Variants in RIMBP2 observed in about 807,000 individuals in gnomAD.
RIMBP2 encodes the protein RIMS-binding protein 2.
A neutral mutation model predicts 118.6 loss-of-function variants in RIMBP2; 48 were observed. The observed-to-expected ratio is 0.40, with a 90% CI of 0.32 to 0.51. The LOEUF (loss-of-function observed/expected upper bound fraction) is 0.51. RIMBP2 is among the 20% of genes least tolerant of loss of function. RIMBP2 has a pLI of 0.41. For missense variants in RIMBP2, 1,551 were observed against 1,768.3 expected (o/e 0.88, Z 2.20); for synonymous variants, 762 against 742.9 (o/e 1.03, Z -0.42).
rs192743913 is a variant in RIMBP2 at position 130,692,020 on chromosome 12, C to T, written c.-352+24202G>A. 1.2e-4 allele frequency among the ~76,000 whole-genome samples: 18 copies of T among 152,114 alleles called. No individual in the cohort carries two copies. In the East Asian group the frequency reaches 1.9e-3, roughly 16 times the overall value. On this transcript the variant is annotated intron_variant, in intron 1 of 22. Transcript: ENST00000690449. ...AGGAAAACTGCCCTGGATGCTGCCA[C>T]GATGAAAAAGGAGATCTTATTTGTT...
chr12:130,434,773 C>A lies in RIMBP2; in HGVS notation c.2214G>T (p.Ser738=), dbSNP rs199557291. The A allele has an allele frequency of 1.9e-5, 30 of 1,613,800 alleles. No individual in the cohort carries two copies. Among genetic ancestry groups the A allele is most frequent in the Middle Eastern group, 1.7e-4 (1 of 6,024 alleles). The change falls in exon 14 of 23, where the codon TCG becomes TCT. Residue 738 remains serine (S), a synonymous_variant. Coordinates refer to ENST00000690449, the MANE Select transcript of RIMBP2 (RefSeq NM_001393629.1). The surrounding 1 kb of genome is among the most constrained non-coding windows in gnomAD (Gnocchi z 5.7). ...DSPDFKRRGA[S]VDDFLKGSEL... is the part of the protein sequence containing the mutation. ...CAGAGCCTTTCAGGAAGTCGTCCAC[C>A]GAGGCGCCCCTCCTCTTGAAGTCTG...
At chr12:130,635,899 A>C (rs2062320947) in intron 1 of RIMBP2, among the ~76,000 whole-genome samples, 2 of 150,570 alleles carry the variant, frequency 1.3e-5, no homozygotes, top group African/African-American at 2.5e-5. Context: ...CCCTACATCC[A>C]CTCTACCACC....
intron 2 of RIMBP2, among the ~76,000 whole-genome samples, chr12:130,534,637 T>C (rs1166200474): frequency 6.6e-6 from 1 of 152,212 alleles, no homozygotes; most frequent in Non-Finnish European, 1.5e-5. Flanking sequence ...GAAGCCATCC[T>C]GGTGTGGCAC....
chr12:130,456,783 G>T, intron 6 of RIMBP2, 83 bp from the exon 7 acceptor site: 3 of 1,024,290 alleles, frequency 2.9e-6, no homozygotes, highest in Non-Finnish European at 2.9e-6. Context: ...TGTGTTGTAC[G>T]TGTGCACATG....
chr12:130,458,149 C>T (rs573531843), intron 6 of RIMBP2, among the ~76,000 whole-genome samples: 22 of 151,462 alleles, frequency 1.5e-4, no homozygotes, highest in South Asian at 1.3e-3. Flanking sequence ...CTTCTCAGCT[C>T]CTTAGTCCAG....
chr12:130,673,100 G>C (rs953146848), intron 1 of RIMBP2, among the ~76,000 whole-genome samples: 9 of 152,236 alleles, frequency 5.9e-5, no homozygotes, highest in Admixed American at 1.3e-4. Flanking sequence ...AGAATCACCA[G>C]TGCCTGCTCC....
intron 5 of RIMBP2, among the ~76,000 whole-genome samples, chr12:130,473,203 C>G (rs114890780): frequency 1.2e-3 from 188 of 152,354 alleles, no homozygotes; most frequent in African/African-American, 4.3e-3. Flanking sequence ...TCAGAATAGA[C>G]TGTTGAAATT....
At chr12:130,510,743 A>G (rs2050831634) in intron 3 of RIMBP2, among the ~76,000 whole-genome samples, 1 of 152,224 alleles carries the variant, frequency 6.6e-6, no homozygotes, top group East Asian at 1.9e-4. Context: ...TGCTGGAATT[A>G]CAGATGTGAA....
Position 130,669,825 on chromosome 12 carries a change from C to T in RIMBP2, c.-351-41369G>A, listed in dbSNP as rs116475777. On this transcript the variant is annotated intron_variant, in intron 1 of 22. Coordinates refer to ENST00000690449, the MANE Select transcript of RIMBP2 (RefSeq NM_001393629.1). The stretch of plus-strand genomic sequence containing the variant: ...TCTCTCTAAGCAGTGTAGCCACTGA[C>T]GGTGAAAACCACCCAAGAAGTAACA... 2.5e-3 allele frequency among the ~76,000 whole-genome samples: 385 copies of T among 152,220 alleles called. 2 individuals are homozygous for T. Among genetic ancestry groups the T allele is most frequent in the African/African-American group, 8.5e-3 (352 of 41,534 alleles).
chr12:130,586,635 C>A (rs2058902263), intron 2 of RIMBP2, among the ~76,000 whole-genome samples: 1 of 145,652 alleles, frequency 6.9e-6, no homozygotes. Flanking sequence ...ATGTAGAAAG[C>A]TGAAACTGGA....
intron 1 of RIMBP2, among the ~76,000 whole-genome samples, chr12:130,656,365 G>A (rs2136305376): frequency 6.6e-6 from 1 of 152,330 alleles, no homozygotes; most frequent in East Asian, 1.9e-4. Flanking sequence ...GGCTGGGCCA[G>A]CTCCTGACAG....
At chr12:130,440,791 G>A (rs971698219) in intron 11 of RIMBP2, among the ~76,000 whole-genome samples, 9 of 152,196 alleles carry the variant, frequency 5.9e-5, no homozygotes, top group Non-Finnish European at 1.2e-4. Flanking sequence ...CTCAGGCAGC[G>A]TCTGTCCCAC....
chr12:130,624,147 A>G (rs1020113194), intron 2 of RIMBP2, among the ~76,000 whole-genome samples: 1 of 152,250 alleles, frequency 6.6e-6, no homozygotes, highest in Non-Finnish European at 1.5e-5. Context: ...CTCATAGGAA[A>G]TAACAGGCAA....
chr12:130,540,605 C>G (rs1471211858), intron 2 of RIMBP2, among the ~76,000 whole-genome samples: 1 of 152,180 alleles, frequency 6.6e-6, no homozygotes, highest in East Asian at 1.9e-4. Flanking sequence ...CCCGTCATGA[C>G]TGCCTAAGGG....
intron 2 of RIMBP2, among the ~76,000 whole-genome samples, chr12:130,535,261 G>T (rs183108422): frequency 1.2e-3 from 185 of 152,216 alleles, no homozygotes; most frequent in African/African-American, 4.3e-3. Flanking sequence ...TGCTTTGGGA[G>T]TCCGAGATGG....
chr12:130,658,595 G>A (rs2063524228), intron 1 of RIMBP2: 1 of 152,226 alleles, frequency 6.6e-6, no homozygotes, highest in South Asian at 2.1e-4. Context: ...TGCTTGGTCT[G>A]AAAGCTAAAC....
intron 1 of RIMBP2, among the ~76,000 whole-genome samples, chr12:130,679,512 C>G: frequency 6.6e-6 from 1 of 152,228 alleles, no homozygotes; most frequent in Non-Finnish European, 1.5e-5. Context: ...TGACTTCTCT[C>G]ACTGGGGAGG....
At chr12:130,468,152 T>C (rs1272603677) in intron 6 of RIMBP2, among the ~76,000 whole-genome samples, 1 of 152,172 alleles carries the variant, frequency 6.6e-6, no homozygotes, top group Non-Finnish European at 1.5e-5. Flanking sequence ...TTGACAGCCA[T>C]GGTTTCTTGG....
Position 130,446,687 on chromosome 12 carries a change from G to A in RIMBP2, c.582-1418C>T, listed in dbSNP as rs922554646. ...TAGCATGCGCCAAGGCCCAGAGGCAGGGAGGAGAGAGATGAGGTTGGCAGG... is the reference window on the plus strand; with the variant it reads ...TAGCATGCGCCAAGGCCCAGAGGCAAGGAGGAGAGAGATGAGGTTGGCAGG... On this transcript the variant is annotated intron_variant, in intron 9 of 22. Coordinates refer to ENST00000690449, the MANE Select transcript of RIMBP2 (RefSeq NM_001393629.1). This position sits in a 1 kb window ranked among gnomAD's most constrained non-coding sequence, Gnocchi z 4.1. 6.6e-6 allele frequency among the ~76,000 whole-genome samples: 1 copy of A among 152,374 alleles called. No individual in the cohort carries two copies. The highest frequency in any genetic ancestry group is 2.1e-4 in the South Asian group (1 of 4,828).
Sources: allele counts gnomAD v4.1 joint callset (sites outside exome capture counted in the v4.1 genomes callset), GRCh38; gene constraint gnomAD v4.1.1; non-coding constraint Gnocchi (gnomAD v3.1); transcripts MANE v1.5; gene names NCBI Gene and HGNC (gene_info 2026-07-23, HGNC 2026-07-21).